The following CACNA1A variants were observed in gnomAD, a reference collection of about 807,000 sequenced individuals.
CACNA1A encodes the protein voltage-dependent P/Q-type calcium channel subunit alpha-1A.
A neutral mutation model predicts 262.4 loss-of-function variants in CACNA1A; 57 were observed. The ratio of observed to expected loss-of-function variants is 0.22; its 90% CI spans 0.18 to 0.27. The LOEUF is 0.27. Among genes scored for constraint, CACNA1A ranks in the 10% least tolerant of loss-of-function variants. The pLI is 1.00. For synonymous variants in CACNA1A, 1,431 were observed against 1,419.3 expected (o/e 1.01, Z -0.18); for missense variants, 2,526 against 3,562.8 (o/e 0.71, Z 7.41).
chr19:13,427,150 G>A (rs1428212103), intron 3 of CACNA1A, among the ~76,000 whole-genome samples: 5 of 152,034 alleles, frequency 3.3e-5, no homozygotes, highest in Non-Finnish European at 7.4e-5. Context: ...GAAATGCACC[G>A]ATAAAAGTGG....
chr19:13,257,831 G>A (rs1302784710), intron 27 of CACNA1A: 4 of 212,482 alleles, frequency 1.9e-5, no homozygotes, highest in African/African-American at 2.3e-5. Flanking sequence ...TCCGCCTCCC[G>A]GGTTCAAATG....
chr19:13,368,442 C>T (rs2059256589), intron 4 of CACNA1A, among the ~76,000 whole-genome samples: 2 of 151,968 alleles, frequency 1.3e-5, no homozygotes, highest in African/African-American at 2.4e-5. Context: ...AAGCGAGCCT[C>T]CTGCCTCAGC....
intron 6 of CACNA1A, among the ~76,000 whole-genome samples, chr19:13,342,945 G>C (rs1224573124): frequency 6.6e-6 from 1 of 152,098 alleles, no homozygotes; most frequent in Non-Finnish European, 1.5e-5. Flanking sequence ...ATTTTGTAGA[G>C]AGGGGGTCTC....
intron 1 of CACNA1A, among the ~76,000 whole-genome samples, chr19:13,462,794 C>T (rs150920713): frequency 6.6e-6 from 1 of 152,184 alleles, no homozygotes; most frequent in Admixed American, 6.5e-5. Context: ...GGGTCTTGCT[C>T]TGTTGCCCAG....
Position 13,308,083 on chromosome 19 carries a change from A to G in CACNA1A, c.1913+37T>C, listed in dbSNP as rs756615817. Reference sequence around the variant, plus strand: ...CTGTGTGTTCCCTGAGCCTGACCCCAGGGAACCAGGAGTTGGAATTCCTGT... The same window carrying G: ...CTGTGTGTTCCCTGAGCCTGACCCCGGGGAACCAGGAGTTGGAATTCCTGT... On this transcript the variant is annotated intron_variant, in intron 14 of 46. Transcript: ENST00000360228. This position sits in a 1 kb window ranked among gnomAD's most constrained non-coding sequence, Gnocchi z 4.2. The G allele has an allele frequency of 3.7e-6, 6 of 1,611,934 alleles. No individual in the cohort carries two copies. Among genetic ancestry groups the G allele is most frequent in the Non-Finnish European group, 4.2e-6 (5 of 1,178,746 alleles).
chr19:13,276,604 C>T (rs961415055), intron 23 of CACNA1A, among the ~76,000 whole-genome samples: 5 of 152,120 alleles, frequency 3.3e-5, no homozygotes, highest in Admixed American at 1.3e-4. Context: ...CCTTGCTGCT[C>T]TTCAAACACA....
chr19:13,267,653 C>G (rs1156253942), intron 24 of CACNA1A, among the ~76,000 whole-genome samples: 1 of 152,156 alleles, frequency 6.6e-6, no homozygotes. Context: ...ATCTGCAAAA[C>G]AGGCCCAGAC....
At chr19:13,436,301 C>G (rs187275815) in intron 3 of CACNA1A, among the ~76,000 whole-genome samples, 1 of 152,136 alleles carries the variant, frequency 6.6e-6, no homozygotes, top group Non-Finnish European at 1.5e-5. Context: ...TTTTTGAATT[C>G]CCTGTTTGCA....
At chr19:13,265,844 A>G (rs940493953) in intron 24 of CACNA1A, among the ~76,000 whole-genome samples, 2 of 145,352 alleles carry the variant, frequency 1.4e-5, no homozygotes. Flanking sequence ...TGTTAGATTT[A>G]CTTTTTTTTT....
At chr19:13,384,979 G>C (rs1196075957) in intron 3 of CACNA1A, among the ~76,000 whole-genome samples, 4 of 152,066 alleles carry the variant, frequency 2.6e-5, no homozygotes, top group Non-Finnish European at 5.9e-5. Context: ...AGTTGATGAT[G>C]TATCTCTTGG....
chr19:13,359,554 C>CT, intron 6 of CACNA1A, 52 bp downstream of exon 6: 1 of 1,442,460 alleles, frequency 6.9e-7, no homozygotes, highest in Non-Finnish European at 9.6e-7. Context: ...TCCCAGGAGG[C>CT]CACCTCCCTG....
intron 4 of CACNA1A, chr19:13,370,739 T>TTA (rs1325732195): frequency 8.9e-6 from 1 of 112,608 alleles, no homozygotes; most frequent in African/African-American, 3.2e-5. Context: ...GGCTAATTTC[T>TTA]AAAAAAAAAA....
intron 3 of CACNA1A, among the ~76,000 whole-genome samples, chr19:13,444,433 A>G (rs2060775021): frequency 6.6e-6 from 1 of 152,208 alleles, no homozygotes; most frequent in Admixed American, 6.5e-5. Context: ...GGAGGTAAGA[A>G]GCAACTACAT....
rs148139155 is a variant in CACNA1A at position 13,297,210 on chromosome 19, C to T, written c.3089+1334G>A. 2.9e-3 allele frequency among the ~76,000 whole-genome samples: 445 copies of T among 152,200 alleles called. 5 individuals carry two copies. Among genetic ancestry groups the T allele is most frequent in the African/African-American group, 0.01 (428 of 41,514 alleles). On this transcript the variant is annotated intron_variant, in intron 19 of 46. Transcript: ENST00000360228. ...TCCCACTATTTCCATTGTGTGAGGC[C>T]CAGAGATATGAAGTCACTTTGCAAA...
At chr19:13,240,696 A>T (rs199817318) in intron 31 of CACNA1A, among the ~76,000 whole-genome samples, 1 of 144,780 alleles carries the variant, frequency 6.9e-6, no homozygotes, top group East Asian at 2.1e-4. Flanking sequence ...GTGTGCAGTG[A>T]CTGTGTGTGC....
chr19:13,416,935 TCAAAA>T (rs1051798509), intron 3 of CACNA1A, among the ~76,000 whole-genome samples: 13 of 152,192 alleles, frequency 8.5e-5, no homozygotes, highest in African/African-American at 2.4e-4. Flanking sequence ...TTTGCCACAA[TCAAAA>T]CAAAACAAAA....
Position 13,243,406 on chromosome 19 carries a change from G to A in CACNA1A, c.4950+1776C>T, listed in dbSNP as rs188026550. 4.1e-4 allele frequency among the ~76,000 whole-genome samples: 63 copies of A among 152,244 alleles called. 1 individual carries two copies. Among genetic ancestry groups the A allele is most frequent in the African/African-American group, 1.3e-3 (56 of 41,548 alleles). ...CCAGCCCCTCCTGGCCTTCTAGGAC[G>A]GAAGAGCAGGCAAACAGATCCTTTT... On this transcript the variant is annotated intron_variant, in intron 31 of 46. Coordinates refer to ENST00000360228, the MANE Select transcript of CACNA1A (RefSeq NM_001127222.2).
intron 1 of CACNA1A, among the ~76,000 whole-genome samples, chr19:13,490,086 T>C (rs6511869): frequency 0.67 from 102,083 of 151,932 alleles, 34,897 homozygotes; most frequent in African/African-American, 0.8. Context: ...CCAGTGCCCA[T>C]GCCAAGGAGG....
intron 17 of CACNA1A, among the ~76,000 whole-genome samples, chr19:13,301,718 G>A (rs1024650663): frequency 6.6e-6 from 1 of 152,200 alleles, no homozygotes; most frequent in Non-Finnish European, 1.5e-5. Flanking sequence ...GGCCAGAAAT[G>A]AACCCGCCCA....
Sources: gnomAD v4.1 joint callset for allele counts (sites outside exome capture counted in the v4.1 genomes callset) on GRCh38, gnomAD v4.1.1 for gene constraint, Gnocchi (gnomAD v3.1) non-coding constraint, MANE v1.5 for transcripts, NCBI Gene and HGNC (gene_info 2026-07-23, HGNC 2026-07-21) for gene names.